The following LYPD6B variants were observed in gnomAD, a reference collection of about 807,000 sequenced individuals.
The protein encoded by LYPD6B is ly6/PLAUR domain-containing protein 6B.
A neutral mutation model predicts 22.8 loss-of-function variants in LYPD6B; 17 were observed. The observed-to-expected ratio is 0.75, with a 90% CI of 0.51 to 1.12. The LOEUF (loss-of-function observed/expected upper bound fraction) is 1.12, where lower values mean the gene tolerates loss of function less well. LYPD6B is among the 50% of genes most tolerant of loss of function. The probability of loss-of-function intolerance (pLI) is 0.00; values close to 1 mark genes in which losing one functional copy is unlikely to be tolerated. For synonymous variants in LYPD6B, 106 were observed against 91.6 expected (o/e 1.16, Z -0.90); for missense variants, 221 against 258.3 (o/e 0.86, Z 0.99).
At chr2:149,159,380 C>G (rs781590941) in intron 2 of LYPD6B, among the ~76,000 whole-genome samples, 3 of 152,066 alleles carry the variant, frequency 2.0e-5, no homozygotes, top group Non-Finnish European at 4.4e-5. Context: ...ATGCTCAGAG[C>G]CTAATTTTTG....
intron 1 of LYPD6B, among the ~76,000 whole-genome samples, chr2:149,057,401 T>A (rs1050750003): frequency 2.6e-5 from 4 of 150,964 alleles, no homozygotes; most frequent in African/African-American, 2.4e-5. Flanking sequence ...TTTTTTTTTT[T>A]AATTACAGTG....
intron 2 of LYPD6B, among the ~76,000 whole-genome samples, chr2:149,153,680 C>G (rs1021537044): frequency 6.6e-6 from 1 of 151,854 alleles, no homozygotes; most frequent in Admixed American, 6.6e-5. Context: ...GAGGCTGAAG[C>G]AGGGGAATCA....
chr2:149,179,226 A>G (rs1284732013), intron 3 of LYPD6B, among the ~76,000 whole-genome samples: 2 of 152,244 alleles, frequency 1.3e-5, no homozygotes, highest in Admixed American at 6.5e-5. Flanking sequence ...TTCTCCTGGC[A>G]TAATGATGAG....
chr2:149,174,003 T>C (rs1243367928), intron 3 of LYPD6B, among the ~76,000 whole-genome samples: 3 of 152,236 alleles, frequency 2.0e-5, no homozygotes, highest in African/African-American at 7.2e-5. Context: ...ATTTTCACAA[T>C]ATTGATGCCT....
intron 1 of LYPD6B, among the ~76,000 whole-genome samples, chr2:149,051,414 C>G (rs921254969): frequency 6.6e-6 from 1 of 152,144 alleles, no homozygotes. Flanking sequence ...ATCCACCCGC[C>G]TCGGCCTCCC....
intron 1 of LYPD6B, among the ~76,000 whole-genome samples, chr2:149,089,737 A>C (rs1685562634): frequency 6.6e-6 from 1 of 152,280 alleles, no homozygotes; most frequent in African/African-American, 2.4e-5. Flanking sequence ...GGTTGGTTTT[A>C]ATTGTTGCTG....
intron 5 of LYPD6B, among the ~76,000 whole-genome samples, chr2:149,210,998 G>A (rs374032345): frequency 7.2e-5 from 11 of 152,170 alleles, no homozygotes; most frequent in Non-Finnish European, 1.3e-4. Flanking sequence ...TGATGCTGGC[G>A]TCTTCTTGGC....
chr2:149,205,406 T>C lies in LYPD6B; in HGVS notation c.229+2T>C, dbSNP rs1285631303. On this transcript the variant is annotated splice_donor_variant, in intron 4 of 6. Coordinates refer to ENST00000409642, the MANE Select transcript of LYPD6B (RefSeq NM_177964.5). LOFTEE classifies it high-confidence loss of function. ...ATAATGTGAGGCCTCCTCTCGACCG[T>C]AAGTAGTGGTGGTTGCCATCCTAGT... The C allele has an allele frequency of 1.2e-6, 2 of 1,613,322 alleles. No homozygotes were observed. The highest frequency in any genetic ancestry group is 2.7e-5 in the African/African-American group (2 of 74,924).
chr2:149,128,799 A>G (rs1346069866), intron 1 of LYPD6B, among the ~76,000 whole-genome samples: 1 of 152,252 alleles, frequency 6.6e-6, no homozygotes, highest in Non-Finnish European at 1.5e-5. Flanking sequence ...TTCATTGCTC[A>G]GATGCATAAG....
intron 2 of LYPD6B, among the ~76,000 whole-genome samples, chr2:149,143,466 G>A (rs1224399324): frequency 5.6e-5 from 8 of 143,642 alleles, no homozygotes; most frequent in African/African-American, 1.3e-4. Context: ...TTACTATACC[G>A]TTTGAAAAGT....
chr2:149,201,119 T>C (rs1194931645), intron 3 of LYPD6B, among the ~76,000 whole-genome samples: 1 of 152,230 alleles, frequency 6.6e-6, no homozygotes, highest in Non-Finnish European at 1.5e-5. Context: ...GGAAGCCAAA[T>C]TATTATAGCC....
chr2:149,104,221 T>C (rs1686356848), intron 1 of LYPD6B, among the ~76,000 whole-genome samples: 1 of 152,218 alleles, frequency 6.6e-6, no homozygotes, highest in Non-Finnish European at 1.5e-5. Context: ...AACATTTGTG[T>C]ACAGATCTTT....
chr2:149,039,240 C>A (rs1403432622), intron 1 of LYPD6B, among the ~76,000 whole-genome samples: 1 of 152,238 alleles, frequency 6.6e-6, no homozygotes, highest in East Asian at 1.9e-4. Context: ...CCAGTGTTTC[C>A]CCCTGCAGCG....
At chr2:149,095,863 A>G (rs989157861) in intron 1 of LYPD6B, among the ~76,000 whole-genome samples, 6 of 151,988 alleles carry the variant, frequency 3.9e-5, no homozygotes, top group Admixed American at 1.3e-4. Context: ...CAGAGAGACC[A>G]TAGGCAGACA....
chr2:149,115,771 C>T (rs148424638), intron 1 of LYPD6B, among the ~76,000 whole-genome samples: 1 of 152,308 alleles, frequency 6.6e-6, no homozygotes, highest in Non-Finnish European at 1.5e-5. Context: ...TCCTCTTATC[C>T]ATGGTTTCAC....
At chr2:149,160,721 C>A in intron 2 of LYPD6B, 43 bp from the exon 3 acceptor site, 5 of 1,354,320 alleles carry the variant, frequency 3.7e-6, no homozygotes, top group South Asian at 1.3e-5. Context: ...CGTTACTCAT[C>A]GTCAGCAGTG....
intron 1 of LYPD6B, among the ~76,000 whole-genome samples, chr2:149,077,872 T>G (rs769848490): frequency 1.3e-5 from 2 of 152,232 alleles, no homozygotes; most frequent in African/African-American, 4.8e-5. Flanking sequence ...GAAAGTGATC[T>G]GATGTCATTC....
chr2:149,121,876 A>G (rs1575007389), intron 1 of LYPD6B, among the ~76,000 whole-genome samples: 2 of 152,112 alleles, frequency 1.3e-5, no homozygotes, highest in East Asian at 1.9e-4. Context: ...GAACCCAACC[A>G]AAAGTCACCT....
rs202065958 is a variant in LYPD6B at position 149,190,283 on chromosome 2, C to T, written c.78-14970C>T. Among the ~76,000 whole-genome samples, 404 of 151,846 alleles carry T rather than the reference C, an allele frequency of 2.7e-3. 2 individuals carry two copies. The highest frequency in any genetic ancestry group is 9.4e-3 in the African/African-American group (389 of 41,398). ...ATGTGTGTGTGTGTGCACGCACGTG[C>T]GTGTGTGTGTCTCTGTGTGTGTGCA... On this transcript the variant is annotated intron_variant, in intron 3 of 6. Coordinates refer to ENST00000409642, the MANE Select transcript of LYPD6B (RefSeq NM_177964.5).
Sources: allele counts gnomAD v4.1 joint callset (sites outside exome capture counted in the v4.1 genomes callset), GRCh38; gene constraint gnomAD v4.1.1; transcripts MANE v1.5; gene names NCBI Gene and HGNC (gene_info 2026-07-23, HGNC 2026-07-21).